UBA5: variants seen among roughly 807,000 people sequenced by gnomAD.
The protein encoded by UBA5 is ubiquitin-like modifier-activating enzyme 5.
A neutral mutation model predicts 52.9 loss-of-function variants in UBA5; 28 were observed. The observed-to-expected ratio is 0.53, with a 90% CI of 0.39 to 0.73. The LOEUF (loss-of-function observed/expected upper bound fraction) is 0.73, where lower values mean the gene tolerates loss of function less well. UBA5 is among the 30% of genes least tolerant of loss of function. UBA5 has a pLI of 0.00. For missense variants in UBA5, 388 were observed against 492.7 expected (o/e 0.79, Z 2.01); for synonymous variants, 135 against 162.1 (o/e 0.83, Z 1.27).
chr3:132,675,626 A>G lies in UBA5; in HGVS notation c.970A>G (p.Lys324Glu). 1 of 1,612,860 alleles carries G rather than the reference A, an allele frequency of 6.2e-7. No individual in the cohort carries two copies. The highest frequency in any genetic ancestry group is 8.5e-7 in the Non-Finnish European group (1 of 1,179,338). The part of the protein sequence containing the change: ...EYKKKVAALP[K>E]QEVIQEEEEI... ...ACAGAAAAAGGTAGCAGCACTGCCT[A>G]AACAAGAGGTTATACAAGAAGAGGA... The change falls in exon 10 of 12, where the codon AAA becomes GAA. Residue 324 changes from lysine to glutamate, a missense_variant. By Grantham distance (56) the Lys-to-Glu change is moderately conservative. Transcript: ENST00000356232.
intron 6 of UBA5, 40 bp from the exon 7 acceptor site, chr3:132,671,737 T>C (rs767781183): frequency 4.2e-6 from 6 of 1,436,774 alleles, no homozygotes; most frequent in Non-Finnish European, 5.7e-6. Context: ...TTCTTGCTCT[T>C]TTATTTTTTT....
chr3:132,663,388 T>A lies in UBA5; in HGVS notation c.162-2435T>A, dbSNP rs1938247352. Among the ~76,000 whole-genome samples, 2 of 152,128 alleles carry A rather than the reference T, an allele frequency of 1.3e-5. 1 individual carries two copies. The highest frequency in any genetic ancestry group is 4.1e-4 in the South Asian group (2 of 4,824). ...TAAAATAGAAGATTTCCAAGAATAATTGGGGCAGGTCTTTGTACCTGAAGG... is the reference window on the plus strand; with the variant it reads ...TAAAATAGAAGATTTCCAAGAATAAATGGGGCAGGTCTTTGTACCTGAAGG... On this transcript the variant is annotated intron_variant, in intron 1 of 11. Transcript: ENST00000356232.
In UBA5 at chr3:132,678,895, C is replaced by T. The variant is rs945067050; in HGVS notation, c.*2369C>T. ...GAACTCCTGACCTCAGGTGATCCAC[C>T]CATCTTGGCCTCCCAAAGTGCTGGG... is the stretch of plus-strand genomic sequence containing the variant. On this transcript the variant is annotated 3_prime_UTR_variant, in exon 12 of 12. Coordinates refer to ENST00000356232, the MANE Select transcript of UBA5 (RefSeq NM_024818.6). Among the ~76,000 whole-genome samples, 5 of 151,956 alleles carry T rather than the reference C, an allele frequency of 3.3e-5. No homozygotes were observed. Among genetic ancestry groups the T allele is most frequent in the African/African-American group, 1.2e-4 (5 of 41,362 alleles).
At position 132,678,787 on chromosome 3, in the gene UBA5, T is replaced by C. The variant is rs994627252; in HGVS notation, c.*2261T>C. Among the ~76,000 whole-genome samples, 7 of 151,774 alleles carry C rather than the reference T, an allele frequency of 4.6e-5. No individual in the cohort carries two copies. Among genetic ancestry groups the C allele is most frequent in the African/African-American group, 1.7e-4 (7 of 41,382 alleles). On this transcript the variant is annotated 3_prime_UTR_variant, in exon 12 of 12. Coordinates refer to ENST00000356232, the MANE Select transcript of UBA5 (RefSeq NM_024818.6). Reference sequence around the variant, plus strand: ...GCCTCAGCCTCCCAAGTAGCTGGGATTACAGGTGCCCGCCACCACGCATGG... The same window carrying C: ...GCCTCAGCCTCCCAAGTAGCTGGGACTACAGGTGCCCGCCACCACGCATGG...
chr3:132,660,377 T>C lies in UBA5; in HGVS notation c.-161T>C, dbSNP rs1938082725. 2.3e-6 allele frequency: 2 copies of C among 871,570 alleles called. No homozygotes were observed. The highest frequency in any genetic ancestry group is 1.7e-5 in the African/African-American group (1 of 58,390). The allele number at this position is 871,570 out of a possible 1,614,324, so 54.0% of individuals were successfully genotyped here. ...GGCCTGTGGGAGTCTCGGAGACGTG[T>C]CTGTCTGTGAGGCGCTGGGTGCACG... On this transcript the variant is annotated 5_prime_UTR_variant, in exon 1 of 12. Coordinates refer to ENST00000356232, the MANE Select transcript of UBA5 (RefSeq NM_024818.6). This position sits in a 1 kb window ranked among gnomAD's most constrained non-coding sequence, Gnocchi z 4.1.
chr3:132,659,948 G>T, upstream of UBA5: 1 of 570,176 alleles, frequency 1.8e-6, no homozygotes, highest in South Asian at 3.0e-5. Context: ...CTCTAGTCAA[G>T]TGCCAAAAGA....
chr3:132,675,599 C>A lies in UBA5; in HGVS notation c.949-6C>A. 1 of 1,608,048 alleles carries A rather than the reference C, an allele frequency of 6.2e-7. No individual in the cohort carries two copies. Among genetic ancestry groups the A allele is most frequent in the South Asian group, 1.1e-5 (1 of 89,670 alleles). On this transcript the variant is annotated splice_region_variant and splice_polypyrimidine_tract_variant and intron_variant, in intron 9 of 11. Coordinates refer to ENST00000356232, the MANE Select transcript of UBA5 (RefSeq NM_024818.6). ...AGAACACTTTGATGCTGTTTGATTT[C>A]TACAGAAAAAGGTAGCAGCACTGCC...
chr3:132,659,481 G>T, upstream of UBA5: 1 of 1,399,786 alleles, frequency 7.1e-7, no homozygotes, highest in Non-Finnish European at 9.7e-7. Flanking sequence ...TGTAGGGTGC[G>T]TCCACTGACT....
chr3:132,674,782 A>G (rs1262293081), intron 8 of UBA5, among the ~76,000 whole-genome samples: 2 of 152,228 alleles, frequency 1.3e-5, no homozygotes, highest in Admixed American at 1.3e-4. Flanking sequence ...TGAAAGGCTC[A>G]TACAAAATTT....
upstream of UBA5, among the ~76,000 whole-genome samples, chr3:132,658,207 C>T (rs1423542086): frequency 6.6e-6 from 1 of 152,078 alleles, no homozygotes; most frequent in African/African-American, 2.4e-5. Context: ...TTTTGAGTTT[C>T]TGAGACTTCC....
intron 4 of UBA5, 64 bp downstream of exon 4, chr3:132,668,991 T>C: frequency 1.9e-6 from 2 of 1,072,236 alleles, no homozygotes; most frequent in Non-Finnish European, 2.7e-6. Context: ...TTGATATGAG[T>C]TAATATAAAT....
At position 132,675,595 on chromosome 3, in the gene UBA5, ATTTC is replaced by A. The variant is rs1938802148; in HGVS notation, c.949-8_949-5del. 1.9e-6 allele frequency: 3 copies of A among 1,607,734 alleles called. No homozygotes were observed. The highest frequency in any genetic ancestry group is 2.5e-6 in the Non-Finnish European group (3 of 1,177,330). ...AGTAAGAACACTTTGATGCTGTTTG[ATTTC>A]TACAGAAAAAGGTAGCAGCACTGCC... On this transcript the variant is annotated splice_region_variant and splice_polypyrimidine_tract_variant and intron_variant, in intron 9 of 11. Coordinates refer to ENST00000356232, the MANE Select transcript of UBA5 (RefSeq NM_024818.6).
chr3:132,657,002 T>G (rs1331609822), upstream of UBA5, among the ~76,000 whole-genome samples: 1 of 152,182 alleles, frequency 6.6e-6, no homozygotes, highest in African/African-American at 2.4e-5. Flanking sequence ...TTCTGTCTTT[T>G]CACTTTAAGT....
chr3:132,659,745 G>C (rs765242964), upstream of UBA5: 33 of 1,600,774 alleles, frequency 2.1e-5, no homozygotes, highest in South Asian at 2.9e-4. Context: ...GTAGCACCTG[G>C]CTTCATGATC....
intron 4 of UBA5, among the ~76,000 whole-genome samples, chr3:132,669,322 T>C (rs912177567): frequency 3.5e-4 from 53 of 152,156 alleles, no homozygotes; most frequent in African/African-American, 1.2e-3. Flanking sequence ...GATTGGAGTG[T>C]AGTGACACAA....
intron 3 of UBA5, among the ~76,000 whole-genome samples, chr3:132,667,017 A>G (rs1209019394): frequency 6.6e-6 from 1 of 152,096 alleles, no homozygotes; most frequent in East Asian, 1.9e-4. Context: ...TTTGATTTTT[A>G]TAGGTGTCAG....
Position 132,664,396 on chromosome 3 carries a change from G to C in UBA5, c.162-1427G>C, listed in dbSNP as rs150133740. Among the ~76,000 whole-genome samples the C allele has an allele frequency of 4.1e-3, 623 of 152,194 alleles. 7 individuals carry two copies. Among genetic ancestry groups the C allele is most frequent in the Non-Finnish European group, 4.0e-3 (273 of 67,958 alleles). On this transcript the variant is annotated intron_variant, in intron 1 of 11. Coordinates refer to ENST00000356232, the MANE Select transcript of UBA5 (RefSeq NM_024818.6). ...TTATAAAGAATATAATTTTGATAAG[G>C]AACATTTTCAGAAATGAAAGTTCTC...
In UBA5 at chr3:132,676,292, GTCTT is replaced by G. The variant is rs200692741; in HGVS notation, c.1132-146_1132-143del. The G allele has an allele frequency of 4.7e-4, 294 of 620,016 alleles. 1 individual carries two copies. The highest frequency in any genetic ancestry group is 4.0e-3 in the African/African-American group (211 of 52,106). 38.4% of individuals were successfully genotyped at this position (620,016 alleles called of 1,614,324 possible). A position where few individuals can be genotyped will look rare whatever the true frequency, so the allele number is the denominator to read the frequency against. ...ACTGGTGAGGAATGTAAAAGACTCT[GTCTT>G]TCTTCTAAAAATTAGAAGATAGTTG... On this transcript the variant is annotated intron_variant, in intron 11 of 11. Coordinates refer to ENST00000356232, the MANE Select transcript of UBA5 (RefSeq NM_024818.6). This position sits in a 1 kb window ranked among gnomAD's most constrained non-coding sequence, Gnocchi z 4.1.
chr3:132,665,425 A>G (rs1302646719), intron 1 of UBA5, among the ~76,000 whole-genome samples: 1 of 152,114 alleles, frequency 6.6e-6, no homozygotes, highest in Non-Finnish European at 1.5e-5. Flanking sequence ...CAGAGGCAAC[A>G]AGAGAATGGA....
Sources: gnomAD v4.1 joint callset for allele counts (sites outside exome capture counted in the v4.1 genomes callset) on GRCh38, gnomAD v4.1.1 for gene constraint, Gnocchi (gnomAD v3.1) non-coding constraint, MANE v1.5 for transcripts, NCBI Gene and HGNC (gene_info 2026-07-23, HGNC 2026-07-21) for gene names.